The following C8orf34 variants were observed in gnomAD, a reference collection of about 807,000 sequenced individuals.
C8orf34 encodes the protein chromosome 8 open reading frame 34.
Under a neutral mutation model 68.3 loss-of-function variants are expected in C8orf34, and 65 were observed. The ratio of observed to expected loss-of-function variants is 0.95; its 90% CI spans 0.78 to 1.17. The LOEUF is 1.17. C8orf34 is among the 50% of genes most tolerant of loss of function. C8orf34 has a pLI of 0.00. For synonymous variants in C8orf34, 244 were observed against 241.2 expected, an observed-to-expected ratio of 1.01 and a Z score of -0.11; for missense variants, 664 against 655.4, an observed-to-expected ratio of 1.01 and a Z score of -0.14.
At chr8:68,390,234 A>G (rs1427966992) in intron 1 of C8orf34, among the ~76,000 whole-genome samples, 1 of 152,136 alleles carries the variant, frequency 6.6e-6, no homozygotes, top group African/African-American at 2.4e-5. Context: ...TGTGCCCTGG[A>G]CAGCCCCTTA....
At chr8:68,502,227 G>A (rs558371702) in intron 5 of C8orf34, among the ~76,000 whole-genome samples, 31 of 152,154 alleles carry the variant, frequency 2.0e-4, no homozygotes, top group African/African-American at 7.2e-4. Context: ...CACCATGCCC[G>A]GCTAATTTTT....
intron 4 of C8orf34, among the ~76,000 whole-genome samples, chr8:68,480,844 T>C (rs1178410973): frequency 6.6e-6 from 1 of 152,212 alleles, no homozygotes; most frequent in African/African-American, 2.4e-5. Flanking sequence ...AAAGGCATTC[T>C]GTTTTTTATA....
chr8:68,691,868 G>A (rs1820695596), intron 8 of C8orf34, among the ~76,000 whole-genome samples: 1 of 151,858 alleles, frequency 6.6e-6, no homozygotes, highest in Non-Finnish European at 1.5e-5. Flanking sequence ...GAGCATACTT[G>A]GTTTTAGCAA....
intron 12 of C8orf34, among the ~76,000 whole-genome samples, 199 bp from the exon 13 acceptor site, chr8:68,815,687 G>A (rs1318014523): frequency 1.3e-5 from 2 of 152,112 alleles, no homozygotes; most frequent in Non-Finnish European, 2.9e-5. Flanking sequence ...AGTGGAAAAT[G>A]ACTGAATAAT....
chr8:68,461,022 G>A (rs982785525), intron 3 of C8orf34, among the ~76,000 whole-genome samples: 1 of 152,146 alleles, frequency 6.6e-6, no homozygotes, highest in African/African-American at 2.4e-5. Flanking sequence ...CAAACCAAAG[G>A]CAAAGAACTT....
At chr8:68,761,972 GTGT>G (rs1396905552) in intron 10 of C8orf34, among the ~76,000 whole-genome samples, 1 of 152,130 alleles carries the variant, frequency 6.6e-6, no homozygotes, top group Non-Finnish European at 1.5e-5. Context: ...CTTTGAAAAT[GTGT>G]TGTTGTACAC....
At chr8:68,427,026 A>G (rs1810257768) in intron 1 of C8orf34, among the ~76,000 whole-genome samples, 1 of 152,216 alleles carries the variant, frequency 6.6e-6, no homozygotes, top group Admixed American at 6.5e-5. Context: ...TGGAATTAAA[A>G]TTACAATGAG....
In C8orf34 at chr8:68,777,638, C is replaced by T. The variant is rs148930347; in HGVS notation, c.1455+1189C>T. On this transcript the variant is annotated intron_variant, in intron 11 of 13. Coordinates refer to ENST00000518698, the MANE Select transcript of C8orf34 (RefSeq NM_052958.4). Reference sequence around the variant, plus strand: ...CACATAATCAAAATCAACATCCTAACATGATCTCCATTTGATTTATATGCA... The same window carrying T: ...CACATAATCAAAATCAACATCCTAATATGATCTCCATTTGATTTATATGCA... 7.3e-3 allele frequency among the ~76,000 whole-genome samples: 1,110 copies of T among 152,304 alleles called. 15 individuals carry two copies. Among genetic ancestry groups the T allele is most frequent in the African/African-American group, 0.026 (1,061 of 41,568 alleles).
At chr8:68,508,502 C>T (rs1814120421) in intron 5 of C8orf34, among the ~76,000 whole-genome samples, 1 of 152,176 alleles carries the variant, frequency 6.6e-6, no homozygotes, top group South Asian at 2.1e-4. Flanking sequence ...TACTAATTTA[C>T]TCCAAAACTC....
intron 5 of C8orf34, among the ~76,000 whole-genome samples, chr8:68,500,169 A>G (rs1813704650): frequency 6.6e-6 from 1 of 152,196 alleles, no homozygotes. Flanking sequence ...TAAATTACCT[A>G]GACTCAGGTA....
At chr8:68,714,691 C>T (rs929682062) in intron 9 of C8orf34, among the ~76,000 whole-genome samples, 3 of 152,070 alleles carry the variant, frequency 2.0e-5, no homozygotes, top group African/African-American at 7.2e-5. Flanking sequence ...TGAGAATGAC[C>T]ACACTGCCAA....
intron 7 of C8orf34, among the ~76,000 whole-genome samples, chr8:68,612,887 A>T (rs1003906411): frequency 3.3e-5 from 5 of 152,176 alleles, no homozygotes; most frequent in Admixed American, 3.3e-4. Flanking sequence ...ACAGTGATAA[A>T]TGATAAATCA....
At chr8:68,610,521 T>C (rs1256479960) in intron 7 of C8orf34, among the ~76,000 whole-genome samples, 1 of 152,206 alleles carries the variant, frequency 6.6e-6, no homozygotes, top group Non-Finnish European at 1.5e-5. Flanking sequence ...TAATCATATT[T>C]GAACTTAGAT....
chr8:68,366,571 C>T (rs1172490175), intron 1 of C8orf34, among the ~76,000 whole-genome samples: 1 of 151,478 alleles, frequency 6.6e-6, no homozygotes, highest in Non-Finnish European at 1.5e-5. Flanking sequence ...TGGAACAGAA[C>T]AGAGCCCTCA....
At chr8:68,727,007 G>C (rs1341192577) in intron 10 of C8orf34, among the ~76,000 whole-genome samples, 1 of 152,096 alleles carries the variant, frequency 6.6e-6, no homozygotes, top group Non-Finnish European at 1.5e-5. Flanking sequence ...CTTCCCAGCA[G>C]TGCCCCAAAG....
At chr8:68,788,451 AGAG>A (rs1371953207) in intron 12 of C8orf34, among the ~76,000 whole-genome samples, 1 of 152,170 alleles carries the variant, frequency 6.6e-6, no homozygotes, top group East Asian at 1.9e-4. Context: ...TGCTCAGGTT[AGAG>A]GAGGAGGATG....
chr8:68,814,922 G>A (rs1199432132), intron 12 of C8orf34, among the ~76,000 whole-genome samples: 1 of 152,122 alleles, frequency 6.6e-6, no homozygotes, highest in South Asian at 2.1e-4. Context: ...TTTCCTTAGT[G>A]TAGGACTTCT....
intron 7 of C8orf34, among the ~76,000 whole-genome samples, chr8:68,549,592 T>C (rs1173119240): frequency 1.3e-5 from 2 of 151,770 alleles, no homozygotes; most frequent in Non-Finnish European, 3.0e-5. Flanking sequence ...GATTTTTATA[T>C]ATAAAAATCA....
chr8:68,545,960 C>T (rs1339869749), intron 7 of C8orf34, among the ~76,000 whole-genome samples: 1 of 151,942 alleles, frequency 6.6e-6, no homozygotes. Flanking sequence ...AATGAAATTA[C>T]AGTGCTAAAG....
Sources: allele counts gnomAD v4.1 joint callset (sites outside exome capture counted in the v4.1 genomes callset), GRCh38; gene constraint gnomAD v4.1.1; transcripts MANE v1.5; gene names NCBI Gene and HGNC (gene_info 2026-07-23, HGNC 2026-07-21).